TAB2: variants seen among roughly 807,000 people sequenced by gnomAD.
TAB2 encodes the protein TGF-beta activated kinase 1 (MAP3K7) binding protein 2, also known as TGF-beta-activated kinase 1 and MAP3K7-binding protein 2.
In TAB2, 3 loss-of-function variants were observed where a neutral mutation model predicts 65.0. The ratio of observed to expected loss-of-function variants is 0.05; its 90% confidence interval spans 0.02 to 0.12. TAB2 has a LOEUF of 0.12. TAB2 is among the 10% of genes least tolerant of loss of function. The pLI is 1.00. For synonymous variants in TAB2, 298 were observed against 285.1 expected (o/e 1.05, Z -0.46); for missense variants, 623 against 840.3 (o/e 0.74, Z 3.20).
At chr6:149,264,887 C>A (rs939506282) in intron 1 of TAB2, among the ~76,000 whole-genome samples, 1 of 152,200 alleles carries the variant, frequency 6.6e-6, no homozygotes, top group South Asian at 2.1e-4. Context: ...CTAATGAGAA[C>A]GTGTGAGCCA....
chr6:149,245,773 C>T (rs1025152158), intron 1 of TAB2, among the ~76,000 whole-genome samples: 2 of 152,186 alleles, frequency 1.3e-5, no homozygotes, highest in Non-Finnish European at 2.9e-5. Flanking sequence ...TACTGAGAAT[C>T]GTACAGTAAT....
intron 1 of TAB2, among the ~76,000 whole-genome samples, chr6:149,258,162 C>G (rs1255923461): frequency 6.6e-6 from 1 of 152,162 alleles, no homozygotes; most frequent in African/African-American, 2.4e-5. Flanking sequence ...TAAGGCCACA[C>G]AGCGGTGTTG....
intron 1 of TAB2, among the ~76,000 whole-genome samples, chr6:149,310,950 T>C (rs1779156812): frequency 6.6e-6 from 1 of 152,194 alleles, no homozygotes; most frequent in African/African-American, 2.4e-5. Flanking sequence ...CACTCCCTTT[T>C]ATTGCCACAA....
intron 1 of TAB2, among the ~76,000 whole-genome samples, chr6:149,225,602 C>G (rs920573000): frequency 1.3e-5 from 2 of 152,100 alleles, no homozygotes; most frequent in Non-Finnish European, 2.9e-5. Flanking sequence ...TTCCCTCCCT[C>G]TTGTGGATCA....
intron 1 of TAB2, among the ~76,000 whole-genome samples, chr6:149,287,606 C>T (rs1350704063): frequency 2.0e-5 from 3 of 152,060 alleles, no homozygotes; most frequent in Non-Finnish European, 4.4e-5. Context: ...TATATATTAA[C>T]TTCCTAGCCA....
At chr6:149,384,279 A>G (rs1231482006) in intron 3 of TAB2, among the ~76,000 whole-genome samples, 1 of 152,200 alleles carries the variant, frequency 6.6e-6, no homozygotes, top group Non-Finnish European at 1.5e-5. Context: ...TTAATCTACC[A>G]TTTGAAATCT....
At chr6:149,402,432 T>A (rs879901999) in intron 6 of TAB2, among the ~76,000 whole-genome samples, 2 of 151,844 alleles carry the variant, frequency 1.3e-5, no homozygotes, top group East Asian at 3.9e-4. Context: ...AATAAGGAGA[T>A]TGAATCAGTA....
At chr6:149,350,834 C>T (rs1001232156) in intron 1 of TAB2, among the ~76,000 whole-genome samples, 3 of 151,824 alleles carry the variant, frequency 2.0e-5, no homozygotes, top group South Asian at 2.1e-4. Flanking sequence ...TATGTAAGAA[C>T]GGTGCAAAGA....
intron 3 of TAB2, among the ~76,000 whole-genome samples, chr6:149,392,866 A>T (rs1782037253): frequency 6.6e-6 from 1 of 152,230 alleles, no homozygotes; most frequent in Non-Finnish European, 1.5e-5. Flanking sequence ...TTTCATAATG[A>T]GTCTAATCAC....
chr6:149,368,820 A>T (rs1781126287), intron 1 of TAB2, among the ~76,000 whole-genome samples: 1 of 152,188 alleles, frequency 6.6e-6, no homozygotes, highest in Non-Finnish European at 1.5e-5. Flanking sequence ...ATAAAAAACT[A>T]AAAGGCTTAT....
intron 2 of TAB2, among the ~76,000 whole-genome samples, chr6:149,374,472 T>C (rs773926330): frequency 6.6e-5 from 10 of 152,196 alleles, no homozygotes; most frequent in Non-Finnish European, 1.3e-4. Context: ...TCATCCCGCC[T>C]TGGCCTCCCA....
At chr6:149,402,620 A>G (rs1782471409) in intron 6 of TAB2, among the ~76,000 whole-genome samples, 1 of 152,198 alleles carries the variant, frequency 6.6e-6, no homozygotes, top group Admixed American at 6.5e-5. Context: ...ACACTTCCAA[A>G]CTCATTCTGA....
Position 149,370,734 on chromosome 6 carries a change from G to T in TAB2, c.102+635G>T, listed in dbSNP as rs1188187015. Among the ~76,000 whole-genome samples the T allele has an allele frequency of 2.0e-5, 3 of 151,976 alleles. No homozygotes were observed. In the East Asian group the frequency reaches 5.8e-4, roughly 29 times the overall value. On this transcript the variant is annotated intron_variant, in intron 2 of 6. Coordinates refer to ENST00000637181, the MANE Select transcript of TAB2 (RefSeq NM_001292034.3). ...ATTCCAAATATTGAGTGATAGTTGT[G>T]CCTTTCTATTTTATTAAACTGGAAA... is the stretch of plus-strand genomic sequence containing the variant.
intron 1 of TAB2, among the ~76,000 whole-genome samples, chr6:149,219,006 A>G (rs1291522795): frequency 6.6e-6 from 1 of 152,204 alleles, no homozygotes; most frequent in East Asian, 1.9e-4. Context: ...TGTCCAGGAA[A>G]CTTGTGAACT....
chr6:149,387,767 A>T (rs1440645308), intron 3 of TAB2, among the ~76,000 whole-genome samples: 1 of 152,180 alleles, frequency 6.6e-6, no homozygotes, highest in Non-Finnish European at 1.5e-5. Flanking sequence ...CTAGTTTCTC[A>T]AACAGTTCAT....
chr6:149,249,466 CTG>C (rs1352216652), intron 1 of TAB2, among the ~76,000 whole-genome samples: 2 of 151,986 alleles, frequency 1.3e-5, no homozygotes, highest in African/African-American at 4.8e-5. Context: ...CTCTCTATCT[CTG>C]TCTTTCTCTC....
intron 1 of TAB2, among the ~76,000 whole-genome samples, chr6:149,350,822 A>G (rs1051984455): frequency 3.9e-5 from 6 of 151,974 alleles, no homozygotes; most frequent in African/African-American, 1.5e-4. Flanking sequence ...AAAACTCATA[A>G]TTATGTAAGA....
chr6:149,288,073 G>A (rs1158995222), intron 1 of TAB2, among the ~76,000 whole-genome samples: 2 of 152,172 alleles, frequency 1.3e-5, no homozygotes, highest in African/African-American at 4.8e-5. Context: ...AGTAAATATT[G>A]TTAAACCTTT....
Position 149,248,428 on chromosome 6 carries a change from A to AAGGAAGGAAGGAAGGAAGGAAGG in TAB2, c.-121+29653_-121+29654insGGAAGGAAGGAAGGAAGGAAGGA, listed in dbSNP as rs59251653. 2.4e-3 allele frequency among the ~76,000 whole-genome samples: 282 copies of AAGGAAGGAAGGAAGGAAGGAAGG among 117,258 alleles called. 4 individuals are homozygous for AAGGAAGGAAGGAAGGAAGGAAGG. The highest frequency in any genetic ancestry group is 6.6e-3 in the African/African-American group (162 of 24,462). 76.9% of individuals were successfully genotyped at this position (117,258 alleles called of 152,430 possible). A position where few individuals can be genotyped will look rare whatever the true frequency, so the allele number is the denominator to read the frequency against. Reference sequence around the variant, plus strand: ...GACAGAGAGGGAAAGAAAAAGAAAGAAAGGAAGGAAGGAAGGAAGGAAGAA... The same window carrying AAGGAAGGAAGGAAGGAAGGAAGG: ...GACAGAGAGGGAAAGAAAAAGAAAGAAGGAAGGAAGGAAGGAAGGAAGGAAGGAAGGAAGGAAGGAAGGAAGAA... On this transcript the variant is annotated intron_variant, in intron 1 of 1. Transcript: ENST00000606202.
Sources: gnomAD v4.1 joint callset for allele counts (sites outside exome capture counted in the v4.1 genomes callset) on GRCh38, gnomAD v4.1.1 for gene constraint, MANE v1.5 for transcripts, NCBI Gene and HGNC (gene_info 2026-07-23, HGNC 2026-07-21) for gene names.